Variants in RIGI observed in about 807,000 individuals in gnomAD.
The protein encoded by RIGI is antiviral innate immune response receptor RIG-I.
the RIGI span, among the ~76,000 whole-genome samples, chr9:32,492,987 A>G: frequency 6.6e-6 from 1 of 152,242 alleles, no homozygotes; most frequent in Non-Finnish European, 1.5e-5. Flanking sequence ...CAAGACATAC[A>G]TGAGTACTTT....
At chr9:32,502,055 A>C in the RIGI span, among the ~76,000 whole-genome samples, 18 of 152,292 alleles carry the variant, frequency 1.2e-4, no homozygotes, top group African/African-American at 4.3e-4. Flanking sequence ...GCAAACACTA[A>C]TCAAATTGAG....
At chr9:32,479,087 A>G in the RIGI span, among the ~76,000 whole-genome samples, 3 of 152,230 alleles carry the variant, frequency 2.0e-5, no homozygotes, top group Admixed American at 2.0e-4. Flanking sequence ...ATGAAACTAT[A>G]TACCAACAAC....
the RIGI span, among the ~76,000 whole-genome samples, chr9:32,521,139 C>CAAAAAAAAAAAA: frequency 0.066 from 2,157 of 32,736 alleles, 576 homozygotes; most frequent in Non-Finnish European, 0.085. Flanking sequence ...GACACCATCT[C>CAAAAAAAAAAAA]AAAAAAAAAA....
At chr9:32,492,552 CTG>C in the RIGI span, 1 of 1,613,736 alleles carries the variant, frequency 6.2e-7, no homozygotes, top group African/African-American at 1.3e-5. Context: ...AGCAAGGTAA[CTG>C]TAGTTTATTG....
the RIGI span, among the ~76,000 whole-genome samples, chr9:32,468,912 C>T: frequency 6.6e-6 from 1 of 152,206 alleles, no homozygotes; most frequent in Non-Finnish European, 1.5e-5. Flanking sequence ...GTTTCTTTCT[C>T]CTGCTAGGCA....
At chr9:32,456,445 C>T in the RIGI span, 1 of 152,024 alleles carries the variant, frequency 6.6e-6, no homozygotes, top group Non-Finnish European at 1.5e-5. Context: ...ACACCAGGAA[C>T]ATGAGTACAT....
At chr9:32,461,617 G>C in the RIGI span, among the ~76,000 whole-genome samples, 2 of 152,172 alleles carry the variant, frequency 1.3e-5, no homozygotes, top group African/African-American at 4.8e-5. Context: ...GTTTATGACT[G>C]CTCAGGCCTG....
chr9:32,456,262 C>CT, the RIGI span: 6 of 152,084 alleles, frequency 3.9e-5, no homozygotes, highest in East Asian at 1.9e-4. Flanking sequence ...GTATAGTAAA[C>CT]TAAGTTTTCA....
chr9:32,498,643 A>T, the RIGI span, among the ~76,000 whole-genome samples: 1 of 152,218 alleles, frequency 6.6e-6, no homozygotes, highest in Admixed American at 6.5e-5. Flanking sequence ...AATAAAGAGT[A>T]TAACAAGAAA....
chr9:32,503,538 G>A, the RIGI span, among the ~76,000 whole-genome samples: 2 of 152,098 alleles, frequency 1.3e-5, no homozygotes, highest in African/African-American at 4.8e-5. Flanking sequence ...ATTGACTACT[G>A]ACTAAAGTAC....
the RIGI span, among the ~76,000 whole-genome samples, chr9:32,508,431 G>A: frequency 6.6e-6 from 1 of 151,526 alleles, no homozygotes; most frequent in African/African-American, 2.4e-5. Context: ...ATAGACAGTG[G>A]GTGCAGCCCA....
At chr9:32,499,504 G>A in the RIGI span, among the ~76,000 whole-genome samples, 1 of 151,932 alleles carries the variant, frequency 6.6e-6, no homozygotes, top group African/African-American at 2.4e-5. Flanking sequence ...TGCCCAAGCT[G>A]GAGTGCAATG....
At chr9:32,500,976 G>T in the RIGI span, 1 of 1,607,424 alleles carries the variant, frequency 6.2e-7, no homozygotes, top group Non-Finnish European at 8.5e-7. Flanking sequence ...TCAAACTGCA[G>T]AACTATTAAT....
At chr9:32,487,175 T>G in the RIGI span, among the ~76,000 whole-genome samples, 2 of 152,248 alleles carry the variant, frequency 1.3e-5, no homozygotes, top group African/African-American at 4.8e-5. Flanking sequence ...CTTGGCTATC[T>G]GATGCCTAAA....
the RIGI span, among the ~76,000 whole-genome samples, chr9:32,501,958 T>C: frequency 1.3e-5 from 2 of 152,192 alleles, no homozygotes; most frequent in Non-Finnish European, 2.9e-5. Flanking sequence ...AATCCATGAC[T>C]ACTATTTTAG....
At chr9:32,514,288 C>T in the RIGI span, among the ~76,000 whole-genome samples, 1 of 152,234 alleles carries the variant, frequency 6.6e-6, no homozygotes, top group Non-Finnish European at 1.5e-5. Context: ...ATGTGTCTTG[C>T]GGCATTGTTC....
At chr9:32,488,735 C>T in the RIGI span, 2 of 1,605,482 alleles carry the variant, frequency 1.2e-6, no homozygotes, top group South Asian at 1.1e-5. Flanking sequence ...TATACCTACC[C>T]ATGTCTTTCA....
the RIGI span, chr9:32,493,729 T>TC: frequency 2.2e-6 from 3 of 1,377,642 alleles, no homozygotes; most frequent in Non-Finnish European, 3.0e-6. Context: ...TATAATTATT[T>TC]CCCCCAATTT....
chr9:32,514,375 C>G, the RIGI span, among the ~76,000 whole-genome samples: 1 of 152,178 alleles, frequency 6.6e-6, no homozygotes, highest in Non-Finnish European at 1.5e-5. Flanking sequence ...CACATATACA[C>G]CATGGAATAC....
Sources: gnomAD v4.1 joint callset for allele counts (sites outside exome capture counted in the v4.1 genomes callset) on GRCh38, gnomAD v4.1.1 for gene constraint, MANE v1.5 for transcripts, NCBI Gene and HGNC (gene_info 2026-07-23, HGNC 2026-07-21) for gene names.